MSRA: variants seen among roughly 807,000 people sequenced by gnomAD.
MSRA encodes the protein methionine sulfoxide reductase A.
A neutral mutation model predicts 31.3 loss-of-function variants in MSRA; 54 were observed. The ratio of observed to expected loss-of-function variants is 1.73; its 90% CI spans 1.39 to 2.17. MSRA has a LOEUF of 2.17. MSRA is among the 30% of genes most tolerant of loss of function. The probability of loss-of-function intolerance (pLI) is 0.00; values close to 1 mark genes in which losing one functional copy is unlikely to be tolerated. For synonymous variants in MSRA, 169 were observed against 116.5 expected, an observed-to-expected ratio of 1.45 and a Z score of -2.90; for missense variants, 507 against 300.9, an observed-to-expected ratio of 1.69 and a Z score of -5.07.
At chr8:10,164,793 G>C (rs1804971723) in intron 1 of MSRA, among the ~76,000 whole-genome samples, 2 of 152,180 alleles carry the variant, frequency 1.3e-5, no homozygotes, top group African/African-American at 2.4e-5. Flanking sequence ...CACTTTGGGA[G>C]ACCTAGGCGG....
At chr8:10,140,896 C>G (rs1194874536) in intron 1 of MSRA, among the ~76,000 whole-genome samples, 4 of 151,964 alleles carry the variant, frequency 2.6e-5, no homozygotes, top group Non-Finnish European at 5.9e-5. Context: ...TCGGAGACTT[C>G]ACAGTAATAA....
chr8:10,114,507 A>G (rs953842280), intron 1 of MSRA, among the ~76,000 whole-genome samples: 7 of 152,070 alleles, frequency 4.6e-5, no homozygotes, highest in African/African-American at 1.4e-4. Flanking sequence ...TGTTATTATT[A>G]TTATTATTTT....
intron 2 of MSRA, among the ~76,000 whole-genome samples, chr8:10,240,304 A>G (rs185349439): frequency 9.9e-5 from 15 of 152,154 alleles, no homozygotes; most frequent in Non-Finnish European, 1.9e-4. Flanking sequence ...TGGTGGTGGC[A>G]GTAGCTAGGT....
At position 10,192,310 on chromosome 8, in the gene MSRA, A is replaced by G. The variant is rs185167586; in HGVS notation, c.143-15523A>G. On this transcript the variant is annotated intron_variant, in intron 1 of 5. Coordinates refer to ENST00000317173, the MANE Select transcript of MSRA (RefSeq NM_012331.5). ...TCAGAATTTGTGGCTATACCTTTAG[A>G]ACCAGGGGAGGATCTGCTCTCAAGT... Among the ~76,000 whole-genome samples the G allele has an allele frequency of 2.0e-5, 3 of 152,332 alleles. No homozygotes were observed. The East Asian group carries it at 5.8e-4, about 29-fold the overall frequency.
intron 5 of MSRA, among the ~76,000 whole-genome samples, chr8:10,414,338 G>A (rs928404942): frequency 6.6e-6 from 1 of 152,154 alleles, no homozygotes; most frequent in Admixed American, 6.5e-5. Flanking sequence ...TTTACGGCTG[G>A]AGAAACTGAG....
chr8:10,307,514 G>A (rs777041458), intron 4 of MSRA, among the ~76,000 whole-genome samples: 16 of 152,108 alleles, frequency 1.1e-4, no homozygotes, highest in Non-Finnish European at 1.9e-4. Context: ...TGGGCTTTTA[G>A]TACATTTAAA....
intron 3 of MSRA, among the ~76,000 whole-genome samples, chr8:10,291,142 G>A (rs921846465): frequency 3.9e-5 from 6 of 152,126 alleles, no homozygotes; most frequent in Non-Finnish European, 7.4e-5. Context: ...AAGAATTAAC[G>A]GTTGCCATTG....
chr8:10,279,313 G>A (rs1480268201), intron 3 of MSRA, among the ~76,000 whole-genome samples: 1 of 152,164 alleles, frequency 6.6e-6, no homozygotes, highest in Non-Finnish European at 1.5e-5. Context: ...CATATGTAAT[G>A]GGTGAAAATA....
intron 1 of MSRA, among the ~76,000 whole-genome samples, chr8:10,069,853 A>G (rs1206031840): frequency 6.6e-6 from 1 of 152,110 alleles, no homozygotes; most frequent in Non-Finnish European, 1.5e-5. Context: ...CTGAGAGTTA[A>G]TATGTTCTTT....
chr8:10,124,845 A>G (rs1425257513), intron 1 of MSRA, among the ~76,000 whole-genome samples: 1 of 152,216 alleles, frequency 6.6e-6, no homozygotes, highest in Non-Finnish European at 1.5e-5. Flanking sequence ...CATGACATGT[A>G]ATTTCACATC....
At chr8:10,083,566 A>G (rs1471674999) in intron 1 of MSRA, among the ~76,000 whole-genome samples, 1 of 152,230 alleles carries the variant, frequency 6.6e-6, no homozygotes, top group Non-Finnish European at 1.5e-5. Flanking sequence ...TACAGTGTCT[A>G]ATTTTTCTGC....
In MSRA at chr8:10,058,523, A is replaced by G. The variant is rs192049586; in HGVS notation, c.142+3865A>G. Among the ~76,000 whole-genome samples, 9 of 152,384 alleles carry G rather than the reference A, an allele frequency of 5.9e-5. No homozygotes were observed. In the East Asian group the frequency reaches 1.5e-3, roughly 26 times the overall value. ...TGATTTTTATAGAAGAAATAAAGCT[A>G]TGAAAGAGTTACCTCCTCTCAAAGC... is the stretch of plus-strand genomic sequence containing the variant. On this transcript the variant is annotated intron_variant, in intron 1 of 5. Coordinates refer to ENST00000317173, the MANE Select transcript of MSRA (RefSeq NM_012331.5).
chr8:10,151,643 G>C (rs933862547), intron 1 of MSRA, among the ~76,000 whole-genome samples: 2 of 152,156 alleles, frequency 1.3e-5, no homozygotes, highest in African/African-American at 2.4e-5. Context: ...GAGTGAGACT[G>C]TGTCTCAAAA....
At chr8:10,355,546 G>A (rs1804458509) in intron 5 of MSRA, among the ~76,000 whole-genome samples, 1 of 152,212 alleles carries the variant, frequency 6.6e-6, no homozygotes, top group African/African-American at 2.4e-5. Flanking sequence ...ACTGCAGTGA[G>A]GTTGGAGGAG....
chr8:10,337,597 A>G, intron 5 of MSRA: 1 of 654,374 alleles, frequency 1.5e-6, no homozygotes, highest in South Asian at 1.7e-5. Flanking sequence ...CTGTCTCTGG[A>G]AGTTGGTTAA....
chr8:10,318,737 C>G lies in MSRA; in HGVS notation c.437-1146C>G, dbSNP rs1054507312. 3.3e-5 allele frequency among the ~76,000 whole-genome samples: 5 copies of G among 152,156 alleles called. No individual in the cohort carries two copies. The East Asian group carries it at 7.7e-4, about 23-fold the overall frequency. On this transcript the variant is annotated intron_variant, in intron 4 of 5. Coordinates refer to ENST00000317173, the MANE Select transcript of MSRA (RefSeq NM_012331.5). ...CGTTCCTGGATGTTGGTTCTTTCTTCTAGGTTTTCAGTCTGTTGAGTTTCC... is the reference window on the plus strand; with the variant it reads ...CGTTCCTGGATGTTGGTTCTTTCTTGTAGGTTTTCAGTCTGTTGAGTTTCC...
intron 1 of MSRA, among the ~76,000 whole-genome samples, chr8:10,089,415 G>A (rs757061701): frequency 8.5e-5 from 13 of 152,222 alleles, no homozygotes; most frequent in South Asian, 2.1e-4. Context: ...CAGTAAATCA[G>A]GTAAACAGTA....
At chr8:10,104,410 A>G (rs1345807414) in intron 1 of MSRA, among the ~76,000 whole-genome samples, 2 of 152,184 alleles carry the variant, frequency 1.3e-5, no homozygotes, top group Non-Finnish European at 2.9e-5. Context: ...GCTTGGTTTT[A>G]TACCTTTTAG....
intron 1 of MSRA, among the ~76,000 whole-genome samples, chr8:10,133,564 C>G (rs987244513): frequency 6.6e-6 from 1 of 152,216 alleles, no homozygotes; most frequent in Non-Finnish European, 1.5e-5. Flanking sequence ...TGCCTACCAG[C>G]TGTGTGGCCC....
Sources: gnomAD v4.1 joint callset for allele counts (sites outside exome capture counted in the v4.1 genomes callset) on GRCh38, gnomAD v4.1.1 for gene constraint, MANE v1.5 for transcripts, NCBI Gene and HGNC (gene_info 2026-07-23, HGNC 2026-07-21) for gene names.